Variants in CCSER1 observed in about 807,000 individuals in gnomAD.
CCSER1 encodes the protein coiled-coil serine rich protein 1, also known as serine-rich coiled-coil domain-containing protein 1.
Under a neutral mutation model 82.0 loss-of-function variants are expected in CCSER1, and 41 were observed. That is an observed-to-expected ratio of 0.50 (90% confidence interval 0.39 to 0.65). The LOEUF (loss-of-function observed/expected upper bound fraction) is 0.65, where lower values mean the gene tolerates loss of function less well. CCSER1 is among the 30% of genes least tolerant of loss of function. The pLI, the probability that CCSER1 is intolerant of heterozygous loss-of-function variation, is 0.00. For missense variants in CCSER1, 1,119 were observed against 1,064.2 expected (o/e 1.05, Z -0.72); for synonymous variants, 414 against 383.9 (o/e 1.08, Z -0.92).
intron 10 of CCSER1, among the ~76,000 whole-genome samples, chr4:91,170,412 G>A (rs945830643): frequency 6.6e-6 from 1 of 152,044 alleles, no homozygotes; most frequent in Non-Finnish European, 1.5e-5. Flanking sequence ...ACAAAGAAAT[G>A]CAGAAGAAGT....
At chr4:90,228,376 A>G (rs1193578556) in intron 1 of CCSER1, among the ~76,000 whole-genome samples, 8 of 152,138 alleles carry the variant, frequency 5.3e-5, no homozygotes, top group Non-Finnish European at 8.8e-5. Flanking sequence ...GACACCTCAC[A>G]GGGCTGGGTA....
At chr4:91,216,418 C>G (rs376743961) in intron 10 of CCSER1, among the ~76,000 whole-genome samples, 127 of 152,254 alleles carry the variant, frequency 8.3e-4, no homozygotes, top group African/African-American at 2.8e-3. Flanking sequence ...CTCCTGGGTT[C>G]ACGCCATTCT....
At chr4:90,914,532 A>G (rs575807051) in intron 8 of CCSER1, among the ~76,000 whole-genome samples, 1 of 152,266 alleles carries the variant, frequency 6.6e-6, no homozygotes, top group South Asian at 2.1e-4. Context: ...AATGCCCACA[A>G]GAGAAAGCAG....
chr4:90,642,606 A>T (rs1448175277), intron 6 of CCSER1: 1 of 152,210 alleles, frequency 6.6e-6, no homozygotes, highest in African/African-American at 2.4e-5. Flanking sequence ...CAGATAGCCT[A>T]GGCAGGAGGA....
chr4:91,078,310 A>G (rs1315165800), intron 9 of CCSER1, among the ~76,000 whole-genome samples: 1 of 152,078 alleles, frequency 6.6e-6, no homozygotes, highest in Non-Finnish European at 1.5e-5. Flanking sequence ...ACCCAGGCAA[A>G]CAGGGTCTGG....
In CCSER1 at chr4:91,325,968, C is replaced by T. The variant is rs140624423; in HGVS notation, c.2217+239974C>T. ...CCATCTTCAAAATTCCTAGAGTTTT[C>T]TTTGAAAGAGTAGCTTTGTTTTTTT... On this transcript the variant is annotated intron_variant, in intron 10 of 10. Transcript: ENST00000509176. Among the ~76,000 whole-genome samples, 42 of 141,280 alleles carry T rather than the reference C, an allele frequency of 3.0e-4. 1 individual carries two copies. In the East Asian group the frequency reaches 8.9e-3, roughly 30 times the overall value. 92.7% of individuals were successfully genotyped at this position (141,280 alleles called of 152,430 possible).
intron 1 of CCSER1, among the ~76,000 whole-genome samples, chr4:90,181,294 A>C (rs1340886393): frequency 1.3e-5 from 2 of 152,200 alleles, no homozygotes; most frequent in African/African-American, 2.4e-5. Flanking sequence ...TAGTAATTTT[A>C]ATTCATATAA....
chr4:90,378,639 G>A (rs1578185169), intron 3 of CCSER1, among the ~76,000 whole-genome samples: 1 of 152,166 alleles, frequency 6.6e-6, no homozygotes, highest in African/African-American at 2.4e-5. Flanking sequence ...TCTGTGATAT[G>A]TCAAATATGC....
At chr4:91,002,224 G>T (rs1047956629) in intron 9 of CCSER1, among the ~76,000 whole-genome samples, 5 of 152,200 alleles carry the variant, frequency 3.3e-5, no homozygotes, top group African/African-American at 1.2e-4. Flanking sequence ...TGAAGACAAT[G>T]TGCTGAGGCA....
intron 5 of CCSER1, among the ~76,000 whole-genome samples, chr4:90,610,689 A>G (rs1337294629): frequency 6.6e-6 from 1 of 152,210 alleles, no homozygotes; most frequent in Non-Finnish European, 1.5e-5. Context: ...TCATGTTAGT[A>G]TTATGATGAA....
intron 1 of CCSER1, among the ~76,000 whole-genome samples, chr4:90,130,661 TCACC>T (rs1722666529): frequency 6.6e-6 from 1 of 152,182 alleles, no homozygotes; most frequent in African/African-American, 2.4e-5. Context: ...TTTTGCTCTG[TCACC>T]CAGGCTGGAT....
At chr4:91,515,953 T>A (rs1445206681) in intron 10 of CCSER1, among the ~76,000 whole-genome samples, 1 of 151,860 alleles carries the variant, frequency 6.6e-6, no homozygotes, top group Non-Finnish European at 1.5e-5. Flanking sequence ...ATTTCTCAAA[T>A]GATTAGTGAT....
At chr4:91,149,016 G>A (rs1581648965) in intron 10 of CCSER1, among the ~76,000 whole-genome samples, 1 of 69,408 alleles carries the variant, frequency 1.4e-5, no homozygotes, top group Admixed American at 1.3e-4. Flanking sequence ...GGGATGGCTG[G>A]GTCAAATATT....
rs1414189765 is a variant in CCSER1, at chr4:90,487,527, T to TA, written c.1724+19173_1724+19174insA. On this transcript the variant is annotated intron_variant, in intron 5 of 10. Transcript: ENST00000509176. ...TTTCAAATTTGATGAAAGCAGGGATTGTTCCCCTTATGCATGGGTGCGTTT... is the reference window on the plus strand; with the variant it reads ...TTTCAAATTTGATGAAAGCAGGGATTAGTTCCCCTTATGCATGGGTGCGTTT... 2.0e-5 allele frequency among the ~76,000 whole-genome samples: 3 copies of TA among 152,254 alleles called. No homozygotes were observed. The East Asian group carries it at 5.8e-4, about 29-fold the overall frequency.
In CCSER1 at chr4:90,551,153, A is replaced by T. The variant is rs570434706; in HGVS notation, c.1725-76872A>T. Among the ~76,000 whole-genome samples, 24 of 152,280 alleles carry T rather than the reference A, an allele frequency of 1.6e-4. 2 individuals carry two copies. The highest frequency in any genetic ancestry group is 5.1e-4 in the African/African-American group (21 of 41,558). On this transcript the variant is annotated intron_variant, in intron 5 of 10. Transcript: ENST00000509176. ...TTTATATAGTTTAGAAGCTTAGTTT[A>T]TAAGATCTTGCTATGGCTTTCTATT...
At chr4:91,369,898 T>C (rs1749913449) in intron 10 of CCSER1, among the ~76,000 whole-genome samples, 1 of 151,426 alleles carries the variant, frequency 6.6e-6, no homozygotes, top group Non-Finnish European at 1.5e-5. Context: ...GCCAGGATGG[T>C]CTTGACCTCT....
intron 7 of CCSER1, among the ~76,000 whole-genome samples, chr4:90,801,701 A>G (rs1258084660): frequency 6.6e-6 from 1 of 152,228 alleles, no homozygotes; most frequent in Non-Finnish European, 1.5e-5. Context: ...TACTAAATTA[A>G]TAAATGCCAT....
intron 10 of CCSER1, among the ~76,000 whole-genome samples, chr4:91,132,846 T>C (rs964968636): frequency 2.3e-4 from 35 of 152,218 alleles, no homozygotes; most frequent in African/African-American, 7.7e-4. Context: ...TCTTAAAATA[T>C]ATGACCTCTT....
At chr4:90,904,005 C>T (rs1350973349) in intron 8 of CCSER1, among the ~76,000 whole-genome samples, 2 of 151,738 alleles carry the variant, frequency 1.3e-5, no homozygotes, top group East Asian at 1.9e-4. Flanking sequence ...TGACAGGAAA[C>T]AAAACTGTAC....
Sources: allele counts gnomAD v4.1 joint callset (sites outside exome capture counted in the v4.1 genomes callset), GRCh38; gene constraint gnomAD v4.1.1; transcripts MANE v1.5; gene names NCBI Gene and HGNC (gene_info 2026-07-23, HGNC 2026-07-21).